The following DNER variants were observed in gnomAD, a reference collection of about 807,000 sequenced individuals.
DNER encodes delta and Notch-like epidermal growth factor-related receptor.
Under a neutral mutation model 78.2 loss-of-function variants are expected in DNER, and 33 were observed. That is an observed-to-expected ratio of 0.42 (90% CI 0.32 to 0.56). The LOEUF (loss-of-function observed/expected upper bound fraction) is 0.56. DNER is among the 20% of genes least tolerant of loss of function. DNER has a pLI of 0.11. For missense variants in DNER, 918 were observed against 975.3 expected, an observed-to-expected ratio of 0.94 and a Z score of 0.78; for synonymous variants, 417 against 384.8, an observed-to-expected ratio of 1.08 and a Z score of -0.98.
intron 9 of DNER, among the ~76,000 whole-genome samples, chr2:229,416,282 T>C (rs1447191534): frequency 6.6e-6 from 1 of 152,224 alleles, no homozygotes; most frequent in Non-Finnish European, 1.5e-5. Flanking sequence ...CTTCACTTCC[T>C]TTCTTGAGTG....
chr2:229,656,048 T>G (rs1698906250), intron 1 of DNER, among the ~76,000 whole-genome samples: 1 of 152,134 alleles, frequency 6.6e-6, no homozygotes, highest in Non-Finnish European at 1.5e-5. Context: ...GATGCCTGAC[T>G]ATGGCCTCAA....
chr2:229,397,955 C>CA (rs1693186347), intron 10 of DNER, among the ~76,000 whole-genome samples: 1 of 151,478 alleles, frequency 6.6e-6, no homozygotes. Context: ...AGATCTTACC[C>CA]AAAAAACCTA....
intron 11 of DNER, among the ~76,000 whole-genome samples, chr2:229,386,409 G>A (rs1692867345): frequency 6.6e-6 from 1 of 152,220 alleles, no homozygotes; most frequent in Admixed American, 6.5e-5. Context: ...ACATAGGCAT[G>A]GGCAAAGACT....
At chr2:229,563,882 T>TCAA (rs1175738455) in intron 4 of DNER, among the ~76,000 whole-genome samples, 1 of 141,552 alleles carries the variant, frequency 7.1e-6, no homozygotes, top group Non-Finnish European at 1.5e-5. Flanking sequence ...TTCACCATCA[T>TCAA]CGTCATCACC....
chr2:229,410,015 G>C (rs926945296), intron 9 of DNER, among the ~76,000 whole-genome samples: 2 of 151,994 alleles, frequency 1.3e-5, no homozygotes, highest in African/African-American at 4.8e-5. Context: ...GAGGTCCCTA[G>C]GCCCCCTCTT....
chr2:229,500,334 T>C (rs1695592055), intron 6 of DNER, among the ~76,000 whole-genome samples: 1 of 152,016 alleles, frequency 6.6e-6, no homozygotes, highest in Admixed American at 6.5e-5. Flanking sequence ...AAAACCACGA[T>C]GAGATATCAA....
At chr2:229,687,177 C>T (rs550718956) in intron 1 of DNER, among the ~76,000 whole-genome samples, 2 of 151,984 alleles carry the variant, frequency 1.3e-5, no homozygotes, top group African/African-American at 4.8e-5. Flanking sequence ...CTCCTATTAA[C>T]TTGAAAACAT....
chr2:229,633,372 C>G (rs895400074), intron 1 of DNER, among the ~76,000 whole-genome samples: 7 of 152,134 alleles, frequency 4.6e-5, no homozygotes, highest in African/African-American at 1.7e-4. Flanking sequence ...TTGAATATCT[C>G]TAGGGAATAA....
chr2:229,531,142 T>C (rs1019199249), intron 5 of DNER, among the ~76,000 whole-genome samples: 1 of 152,282 alleles, frequency 6.6e-6, no homozygotes, highest in South Asian at 2.1e-4. Flanking sequence ...AATGAGCAGA[T>C]ATGTCAGCTC....
intron 1 of DNER, among the ~76,000 whole-genome samples, chr2:229,703,344 A>G (rs1297746917): frequency 6.6e-6 from 1 of 151,236 alleles, no homozygotes; most frequent in East Asian, 1.9e-4. Context: ...ATTTGTAAGC[A>G]AAAAAAAAGA....
intron 1 of DNER, among the ~76,000 whole-genome samples, chr2:229,685,560 C>T (rs898481885): frequency 6.6e-6 from 1 of 152,204 alleles, no homozygotes; most frequent in Admixed American, 6.5e-5. Context: ...ATCACTATCA[C>T]TATTATCGTC....
intron 1 of DNER, among the ~76,000 whole-genome samples, chr2:229,624,213 A>G (rs1360182109): frequency 6.6e-6 from 1 of 150,508 alleles, no homozygotes; most frequent in Admixed American, 6.6e-5. Flanking sequence ...CAGGGAAGGC[A>G]GGTAAGAATA....
At chr2:229,540,754 C>T (rs1696496301) in intron 5 of DNER, among the ~76,000 whole-genome samples, 1 of 152,202 alleles carries the variant, frequency 6.6e-6, no homozygotes, top group African/African-American at 2.4e-5. Context: ...AAGAGCTTCT[C>T]TCAGAGATAG....
chr2:229,509,973 A>G (rs1695831219), intron 6 of DNER, among the ~76,000 whole-genome samples: 1 of 152,206 alleles, frequency 6.6e-6, no homozygotes, highest in Admixed American at 6.5e-5. Flanking sequence ...GCCTGCAGCC[A>G]AGACTTCCTG....
At chr2:229,537,143 CA>C (rs1696418877) in intron 5 of DNER, among the ~76,000 whole-genome samples, 1 of 152,098 alleles carries the variant, frequency 6.6e-6, no homozygotes, top group African/African-American at 2.4e-5. Context: ...CCACATTCTG[CA>C]TTTAACAAGA....
At chr2:229,387,509 G>GAGAAAGAAAGAAAGAA (rs67136130) in intron 11 of DNER, among the ~76,000 whole-genome samples, 1 of 76,128 alleles carries the variant, frequency 1.3e-5, no homozygotes, top group Non-Finnish European at 2.7e-5. Context: ...GAAAGAAAGA[G>GAGAAAGAAAGAAAGAA]AGAAAGAAAG....
chr2:229,456,708 C>G (rs866858972), intron 7 of DNER, among the ~76,000 whole-genome samples: 2 of 151,958 alleles, frequency 1.3e-5, no homozygotes, highest in Non-Finnish European at 1.5e-5. Flanking sequence ...TGGCAAGCAC[C>G]CTTTGCTCTT....
At chr2:229,573,967 T>C (rs1394463289) in intron 4 of DNER, among the ~76,000 whole-genome samples, 2 of 152,214 alleles carry the variant, frequency 1.3e-5, no homozygotes, top group African/African-American at 4.8e-5. Flanking sequence ...ATTTGCACTG[T>C]CCTTTTTCTG....
At chr2:229,710,983 G>GCGCACACACACACACA (rs1553555262) in intron 1 of DNER, among the ~76,000 whole-genome samples, 13 of 139,808 alleles carry the variant, frequency 9.3e-5, no homozygotes, top group African/African-American at 3.2e-4. Context: ...GCATACACGC[G>GCGCACACACACACACA]CACACACACA....
Sources: allele counts gnomAD v4.1 joint callset (sites outside exome capture counted in the v4.1 genomes callset), GRCh38; gene constraint gnomAD v4.1.1; transcripts MANE v1.5; gene names NCBI Gene and HGNC (gene_info 2026-07-23, HGNC 2026-07-21).